The following CNGB1 variants were observed in gnomAD, a reference collection of about 807,000 sequenced individuals.
CNGB1 encodes cyclic nucleotide gated channel subunit beta 1.
In CNGB1, 126 loss-of-function variants were observed where a neutral mutation model predicts 151.7. The ratio of observed to expected loss-of-function variants is 0.83; its 90% CI spans 0.72 to 0.96. The LOEUF (loss-of-function observed/expected upper bound fraction) is 0.96. Among genes scored for constraint, CNGB1 ranks in the 40% least tolerant of loss-of-function variants. The pLI is 0.00. For missense variants in CNGB1, 1,698 were observed against 1,627.0 expected (o/e 1.04, Z -0.75); for synonymous variants, 623 against 635.1 (o/e 0.98, Z 0.29).
rs1310357392 is a variant in CNGB1, at chr16:57,882,613, A to G, written c.*1551T>C. 1.3e-5 allele frequency: 2 copies of G among 152,154 alleles called. No homozygotes were observed. The highest frequency in any genetic ancestry group is 2.9e-5 in the Non-Finnish European group (2 of 68,036). 9.4% of individuals were successfully genotyped at this position (152,154 alleles called of 1,614,324 possible). ...TCCTGTAATTTTATATAAAATGGGC[A>G]GGACCTATTGGAATTCCAGGTCCTT... On this transcript the variant is annotated 3_prime_UTR_variant, in exon 33 of 33. Transcript: ENST00000251102.
intron 31 of CNGB1, among the ~76,000 whole-genome samples, chr16:57,895,182 C>T (rs1434491276): frequency 6.6e-6 from 1 of 152,096 alleles, no homozygotes; most frequent in Non-Finnish European, 1.5e-5. Flanking sequence ...CGGTGGCTCA[C>T]ACCTGTAATC....
intron 19 of CNGB1, 65 bp from the exon 20 acceptor site, chr16:57,919,319 AG>A: frequency 6.2e-7 from 1 of 1,612,558 alleles, no homozygotes; most frequent in Non-Finnish European, 8.5e-7. Context: ...TGCAGAGAGA[AG>A]GGTCCCAACT....
Position 57,959,782 on chromosome 16 carries a change from C to T in CNGB1, c.761+106G>A, listed in dbSNP as rs1230393434. 5.1e-6 allele frequency: 7 copies of T among 1,363,564 alleles called. No homozygotes were observed. The East Asian group carries it at 1.8e-4, about 35-fold the overall frequency. The allele number at this position is 1,363,564 out of a possible 1,614,324, so 84.5% of individuals were successfully genotyped here. ...GCTGCCTTGGGAAGGAGGCTGCACACATCCAGTTGAATTTTCTTCCAGGTT... is the reference window on the plus strand; with the variant it reads ...GCTGCCTTGGGAAGGAGGCTGCACATATCCAGTTGAATTTTCTTCCAGGTT... On this transcript the variant is annotated intron_variant, in intron 10 of 32. Transcript: ENST00000251102.
chr16:57,952,966 C>T (rs1433474581), intron 12 of CNGB1, among the ~76,000 whole-genome samples: 1 of 152,182 alleles, frequency 6.6e-6, no homozygotes, highest in Non-Finnish European at 1.5e-5. Context: ...AGGGCAGGCC[C>T]CCAGGAGGCG....
chr16:57,888,439 C>T (rs1959996387), intron 31 of CNGB1, among the ~76,000 whole-genome samples: 1 of 151,224 alleles, frequency 6.6e-6, no homozygotes, highest in Non-Finnish European at 1.5e-5. Flanking sequence ...CTCCTCTTCT[C>T]TTCCTCTCTC....
intron 12 of CNGB1, among the ~76,000 whole-genome samples, chr16:57,951,341 G>T (rs1260249966): frequency 6.6e-6 from 1 of 152,162 alleles, no homozygotes; most frequent in Non-Finnish European, 1.5e-5. Context: ...AGCCAAACAT[G>T]AATTAGTAAT....
chr16:57,919,191 T>C lies in CNGB1; in HGVS notation c.1865A>G (p.Glu622Gly). The change falls in exon 20 of 33, where the codon GAA (glutamate) becomes GGA (glycine). Residue 622 changes from glutamate to glycine, a missense_variant. Glu to Gly is a moderately conservative substitution (Grantham distance 98). Coordinates refer to ENST00000251102, the MANE Select transcript of CNGB1 (RefSeq NM_001297.5). Reference protein sequence around the residue: ...DTKPAEAEPVEEEHYCDMLCC... With the variant: ...DTKPAEAEPVGEEHYCDMLCC... Reference sequence around the variant, plus strand: ...GAGCATGTCGCAATAGTGCTCCTCTTCCACTGGCTCGGCTTCAGCGGGCTT... The same window carrying C: ...GAGCATGTCGCAATAGTGCTCCTCTCCCACTGGCTCGGCTTCAGCGGGCTT... 6.2e-7 allele frequency: 1 copy of C among 1,614,218 alleles called. No individual in the cohort carries two copies. The highest frequency in any genetic ancestry group is 8.5e-7 in the Non-Finnish European group (1 of 1,180,038).
intron 12 of CNGB1, among the ~76,000 whole-genome samples, chr16:57,956,085 C>T (rs1266260979): frequency 6.6e-6 from 1 of 152,230 alleles, no homozygotes; most frequent in African/African-American, 2.4e-5. Flanking sequence ...CTGGCCACAG[C>T]TGGCGGGGAA....
chr16:57,927,479 C>T (rs1217178147), intron 17 of CNGB1, among the ~76,000 whole-genome samples: 2 of 152,200 alleles, frequency 1.3e-5, no homozygotes, highest in African/African-American at 2.4e-5. Flanking sequence ...CTGGCACTTG[C>T]TTGTTTATTT....
chr16:57,906,570 G>GC (rs1312485809), intron 25 of CNGB1, among the ~76,000 whole-genome samples: 11 of 152,190 alleles, frequency 7.2e-5, no homozygotes, highest in Admixed American at 7.2e-4. Context: ...CCTGTTGCCT[G>GC]CAAGTTTCAG....
At chr16:57,968,578 T>C (rs934877130) in intron 1 of CNGB1, among the ~76,000 whole-genome samples, 1 of 144,976 alleles carries the variant, frequency 6.9e-6, no homozygotes, top group Non-Finnish European at 1.5e-5. Flanking sequence ...ATGTTGACTA[T>C]GACTATTACA....
At chr16:57,933,010 A>C (rs1307679671) in intron 16 of CNGB1, among the ~76,000 whole-genome samples, 1 of 152,122 alleles carries the variant, frequency 6.6e-6, no homozygotes, top group Non-Finnish European at 1.5e-5. Context: ...TGCCTCCTGC[A>C]ACCTCTGCCT....
intron 20 of CNGB1, 139 bp from the exon 21 acceptor site, chr16:57,917,615 T>C: frequency 1.4e-6 from 1 of 692,382 alleles, no homozygotes; most frequent in Non-Finnish European, 2.6e-6. Flanking sequence ...TATGTGTGTG[T>C]GTGTGTATAT....
Position 57,940,291 on chromosome 16 carries a change from C to T in CNGB1, c.1152G>A (p.Gln384=), listed in dbSNP as rs1364274621. The stretch of plus-strand genomic sequence containing the variant: ...CTTCTTCACTCTGGCCCACGCCCAC[C>T]TGCGACACCACACAGCTATCCAGCA... ...EVLLDSCVVS[Q]VGVGQSEEDG... Residue 384 remains glutamine, a synonymous_variant, in exon 15 of 33, where the codon CAG becomes CAA. Coordinates refer to ENST00000251102, the MANE Select transcript of CNGB1 (RefSeq NM_001297.5). 1.9e-6 allele frequency: 3 copies of T among 1,583,732 alleles called. No individual in the cohort carries two copies. The highest frequency in any genetic ancestry group is 2.6e-6 in the Non-Finnish European group (3 of 1,165,298).
At chr16:57,961,859 G>A (rs1487074641) in intron 7 of CNGB1, among the ~76,000 whole-genome samples, 1 of 152,194 alleles carries the variant, frequency 6.6e-6, no homozygotes, top group Non-Finnish European at 1.5e-5. Context: ...CGAATGAATG[G>A]GGTGAATGGA....
At chr16:57,947,466 C>T (rs547647342) in intron 14 of CNGB1, among the ~76,000 whole-genome samples, 6 of 152,244 alleles carry the variant, frequency 3.9e-5, no homozygotes, top group African/African-American at 1.4e-4. Flanking sequence ...TGCAGGGTGG[C>T]TCAGAAGGCA....
Position 57,912,968 on chromosome 16 carries a change from G to A in CNGB1, c.2331C>T (p.Ser777=). 1.2e-6 allele frequency: 2 copies of A among 1,614,048 alleles called. No homozygotes were observed. The highest frequency in any genetic ancestry group is 1.1e-5 in the South Asian group (1 of 91,088). ...CTTTGCTGAGGATGGATTCCAGGCG[G>A]CTGTTAAACTCGAAGAAGGCCATGT... ...LKYMAFFEFN[S]RLESILSKAY... is the part of the protein sequence containing the mutation. The change falls in exon 24 of 33, where the codon AGC becomes AGT. Residue 777 remains serine (S), a synonymous_variant. Transcript: ENST00000251102.
At chr16:57,959,273 G>A in intron 10 of CNGB1, among the ~76,000 whole-genome samples, 1 of 151,438 alleles carries the variant, frequency 6.6e-6, no homozygotes, top group East Asian at 1.9e-4. Flanking sequence ...AGACCTGTGT[G>A]AATAAAAGCA....
At position 57,940,324 on chromosome 16, in the gene CNGB1, G is replaced by A. The variant is rs767354503; in HGVS notation, c.1122-3C>T. 1 of 1,576,622 alleles carries A rather than the reference G, an allele frequency of 6.3e-7. No homozygotes were observed. The highest frequency in any genetic ancestry group is 1.2e-5 in the South Asian group (1 of 86,050). On this transcript the variant is annotated splice_polypyrimidine_tract_variant and splice_region_variant and intron_variant, in intron 14 of 32. Coordinates refer to ENST00000251102, the MANE Select transcript of CNGB1 (RefSeq NM_001297.5). ...CCACACAGCTATCCAGCAGCACCCT[G>A]TGACCCGGGGCGGGGTGGGGAGGAT...
Sources: gnomAD v4.1 joint callset for allele counts (sites outside exome capture counted in the v4.1 genomes callset) on GRCh38, gnomAD v4.1.1 for gene constraint, MANE v1.5 for transcripts, NCBI Gene and HGNC (gene_info 2026-07-23, HGNC 2026-07-21) for gene names.